Variants in CLEC2B observed in about 807,000 individuals in gnomAD.
The protein encoded by CLEC2B is C-type (calcium dependent, carbohydrate-recognition domain) lectin, superfamily member 2 (activation-induced).
CLEC2B carries 14 observed loss-of-function variants against 16.2 expected under a neutral mutation model. The ratio of observed to expected loss-of-function variants is 0.86; its 90% CI spans 0.57 to 1.35. The LOEUF (loss-of-function observed/expected upper bound fraction) is 1.35, where lower values mean the gene tolerates loss of function less well. Ranked by LOEUF, CLEC2B falls within the 40% of genes most tolerant of loss-of-function variation. The pLI, the probability that CLEC2B is intolerant of heterozygous loss-of-function variation, is 0.00. For missense variants in CLEC2B, 166 were observed against 182.3 expected (o/e 0.91, Z 0.52); for synonymous variants, 42 against 55.8 (o/e 0.75, Z 1.10).
intron 4 of CLEC2B, among the ~76,000 whole-genome samples, chr12:9,853,984 A>G (rs924339207): frequency 1.3e-5 from 2 of 152,212 alleles, no homozygotes; most frequent in Non-Finnish European, 2.9e-5. Flanking sequence ...ATAACAGTGA[A>G]ATTGCAAATA....
At chr12:9,853,631 G>A (rs1867869732) in intron 4 of CLEC2B, among the ~76,000 whole-genome samples, 1 of 152,172 alleles carries the variant, frequency 6.6e-6, no homozygotes, top group South Asian at 2.1e-4. Flanking sequence ...TGTAATCAGT[G>A]GAGCTATCAG....
At chr12:9,868,044 C>T (rs750115017) in intron 1 of CLEC2B, among the ~76,000 whole-genome samples, 3 of 150,952 alleles carry the variant, frequency 2.0e-5, no homozygotes, top group Admixed American at 6.6e-5. Context: ...CCTAAATTAC[C>T]GCTATTAAAA....
intron 3 of CLEC2B, among the ~76,000 whole-genome samples, chr12:9,855,167 T>C (rs2136976938): frequency 6.6e-6 from 1 of 152,214 alleles, no homozygotes; most frequent in South Asian, 2.1e-4. Flanking sequence ...ACTAAATAGC[T>C]TGGAAACTAT....
Position 9,852,722 on chromosome 12 carries a change from G to T in CLEC2B, c.*578C>A, listed in dbSNP as rs1867855785. ...GCCAGTTAGCAAACACATACGGTGTGTGATCTCCTCCTCACCTTCACTCTT... is the reference window on the plus strand; with the variant it reads ...GCCAGTTAGCAAACACATACGGTGTTTGATCTCCTCCTCACCTTCACTCTT... On this transcript the variant is annotated 3_prime_UTR_variant, in exon 5 of 5. Transcript: ENST00000228438. Among the ~76,000 whole-genome samples, 1 of 152,076 alleles carries T rather than the reference G, an allele frequency of 6.6e-6. No homozygotes were observed. The highest frequency in any genetic ancestry group is 1.5e-5 in the Non-Finnish European group (1 of 68,016).
rs1223542050 is a variant in CLEC2B at position 9,857,521 on chromosome 12, A to G, written c.190T>C (p.Ser64Pro). The change falls in exon 3 of 5, where the codon TCC becomes CCC. Residue 64 changes from serine (S) to proline (P), a missense_variant. Transcript: ENST00000228438. ...ATAGTTAGGTCGGCATGTTGAGTGG[A>G]ACAGTTGTATTTACTTGAATTCCAA... is the stretch of plus-strand genomic sequence containing the variant. ...GDWNSSKYNC[S>P]TQHADLTIID... 1 of 1,611,420 alleles carries G rather than the reference A, an allele frequency of 6.2e-7. No homozygotes were observed. The highest frequency in any genetic ancestry group is 1.7e-5 in the Admixed American group (1 of 59,798).
intron 1 of CLEC2B, among the ~76,000 whole-genome samples, 172 bp from the exon 2 acceptor site, chr12:9,862,745 A>G (rs1276381096): frequency 2.0e-5 from 3 of 152,182 alleles, no homozygotes; most frequent in African/African-American, 7.2e-5. Context: ...TCCTGGAGCC[A>G]CAGGAAAGTG....
At position 9,853,323 on chromosome 12, in the gene CLEC2B, T is replaced by C. The variant is rs140473877; in HGVS notation, c.427A>G (p.Ile143Val). ...ACTTAGTGTATTCTTTTCCTGCAAA[T>C]CCATTTTCTTTCGGTGTAACATCTA... ...TARCYTERKW[I>V]CRKRIH Residue 143 changes from isoleucine to valine, a missense_variant, in exon 5 of 5, where the codon ATT becomes GTT. Transcript: ENST00000228438. The C allele has an allele frequency of 6.2e-7, 1 of 1,613,156 alleles. No homozygotes were observed. The highest frequency in any genetic ancestry group is 8.5e-7 in the Non-Finnish European group (1 of 1,179,140).
intron 1 of CLEC2B, among the ~76,000 whole-genome samples, chr12:9,865,463 A>G (rs1207642753): frequency 6.6e-6 from 1 of 152,210 alleles, no homozygotes; most frequent in Non-Finnish European, 1.5e-5. Context: ...GCAAGAGGAT[A>G]TGACAGTTCT....
At position 9,853,347 on chromosome 12, in the gene CLEC2B, T is replaced by C. The variant is rs1159976299; in HGVS notation, c.403A>G (p.Arg135Gly). 2 of 1,614,128 alleles carry C rather than the reference T, an allele frequency of 1.2e-6. No homozygotes were observed. The change falls in exon 5 of 5, where the codon AGA becomes GGA. Residue 135 changes from arginine to glycine, a missense_variant. By Grantham distance (125) the Arg-to-Gly change is moderately radical (BLOSUM62 -2). Coordinates refer to ENST00000228438, the MANE Select transcript of CLEC2B (RefSeq NM_005127.3). ...ATCCATTTTCTTTCGGTGTAACATC[T>C]AGCTGTTGCTGCACCATCATCGCTG... Reference protein sequence around the residue: ...YLSDDGAATARCYTERKWICR... With the variant: ...YLSDDGAATAGCYTERKWICR...
chr12:9,859,441 C>A (rs771658816), intron 2 of CLEC2B, among the ~76,000 whole-genome samples: 1 of 151,654 alleles, frequency 6.6e-6, no homozygotes, highest in Non-Finnish European at 1.5e-5. Context: ...AAATTAGCAA[C>A]ACAAAGAATG....
At chr12:9,857,384 T>C in intron 3 of CLEC2B, 90 bp downstream of exon 3, 1 of 976,442 alleles carries the variant, frequency 1.0e-6, no homozygotes, top group Non-Finnish European at 1.5e-6. Context: ...TAGGCATGAG[T>C]GAAAAGACTT....
chr12:9,856,848 T>C (rs985845412), intron 3 of CLEC2B: 1 of 152,132 alleles, frequency 6.6e-6, no homozygotes, highest in African/African-American at 2.4e-5. Context: ...GTTAAAGTTC[T>C]TGGAGAGCCT....
At chr12:9,865,041 G>T (rs1197075589) in intron 1 of CLEC2B, among the ~76,000 whole-genome samples, 1 of 152,014 alleles carries the variant, frequency 6.6e-6, no homozygotes, top group Non-Finnish European at 1.5e-5. Flanking sequence ...AACTTAGCTT[G>T]GTGTGGTGGT....
chr12:9,862,752 A>G (rs1017811770), intron 1 of CLEC2B, among the ~76,000 whole-genome samples, 179 bp from the exon 2 acceptor site: 1 of 152,184 alleles, frequency 6.6e-6, no homozygotes, highest in Admixed American at 6.5e-5. Flanking sequence ...GCCACAGGAA[A>G]GTGAAAAACC....
At chr12:9,860,095 C>T (rs962664526) in intron 2 of CLEC2B, among the ~76,000 whole-genome samples, 2 of 151,596 alleles carry the variant, frequency 1.3e-5, no homozygotes, top group African/African-American at 4.8e-5. Context: ...AAGAATGAGA[C>T]AAACATGTAA....
rs185829530 is a variant in CLEC2B, at chr12:9,868,534, T to C, written c.-3+671A>G. On this transcript the variant is annotated intron_variant, in intron 1 of 4. Transcript: ENST00000228438. ...AGATCGTTGTATTGAATGCATTTAG[T>C]TTCAGCCTTTTCTCTTTCAAATATT... Among the ~76,000 whole-genome samples, 270 of 152,238 alleles carry C rather than the reference T, an allele frequency of 1.8e-3. 1 individual carries two copies. The highest frequency in any genetic ancestry group is 6.2e-3 in the African/African-American group (256 of 41,584).
intron 1 of CLEC2B, among the ~76,000 whole-genome samples, chr12:9,864,208 A>G (rs1391797681): frequency 6.6e-6 from 1 of 152,034 alleles, no homozygotes; most frequent in Non-Finnish European, 1.5e-5. Context: ...ATATCCTGCA[A>G]AGCTGACCTT....
chr12:9,857,326 C>A (rs1486043817), intron 3 of CLEC2B, 148 bp downstream of exon 3: 4 of 630,552 alleles, frequency 6.3e-6, no homozygotes, highest in Non-Finnish European at 1.1e-5. Context: ...GGTGTTTCAC[C>A]TTTATGTCAC....
In CLEC2B at chr12:9,857,636, A is replaced by C; in HGVS notation, c.75T>G (p.Val25=). 6.2e-7 allele frequency: 1 copy of C among 1,606,852 alleles called. No individual in the cohort carries two copies. The highest frequency in any genetic ancestry group is 8.5e-7 in the Non-Finnish European group (1 of 1,174,274). Residue 25 remains valine (V), a splice_region_variant and synonymous_variant, in exon 3 of 5, where the codon GTT becomes GTG. Transcript: ENST00000228438. The part of the protein sequence containing the change: ...LITTNIITLI[V]KLTRDSQSLC... ...AACTCTGAGAATCTCGAGTTAGTTT[A>C]ACTGGAAATGAGACAAATATATATC...
Sources: gnomAD v4.1 joint callset for allele counts (sites outside exome capture counted in the v4.1 genomes callset) on GRCh38, gnomAD v4.1.1 for gene constraint, MANE v1.5 for transcripts, NCBI Gene and HGNC (gene_info 2026-07-23, HGNC 2026-07-21) for gene names.